DNAH14: variants seen among roughly 807,000 people sequenced by gnomAD.
DNAH14 encodes the protein axonemal beta dynein heavy chain 14.
In DNAH14, 478 loss-of-function variants were observed where a neutral mutation model predicts 520.9. The ratio of observed to expected loss-of-function variants is 0.92; its 90% CI spans 0.85 to 0.99. The LOEUF is 0.99. Ranked by LOEUF, DNAH14 falls within the 50% of genes least tolerant of loss-of-function variation. The pLI is 0.00. For missense variants in DNAH14, 4,831 were observed against 5,234.5 expected, an observed-to-expected ratio of 0.92 and a Z score of 2.38; for synonymous variants, 1,581 against 1,757.2, an observed-to-expected ratio of 0.90 and a Z score of 2.51.
intron 41 of DNAH14, among the ~76,000 whole-genome samples, chr1:225,228,349 C>T (rs1208221505): frequency 6.6e-6 from 1 of 152,188 alleles, no homozygotes; most frequent in Non-Finnish European, 1.5e-5. Flanking sequence ...CAACAAGATG[C>T]ACTGGCATTC....
chr1:225,025,993 TGTTA>T (rs1311260846), intron 11 of DNAH14, among the ~76,000 whole-genome samples: 5 of 152,014 alleles, frequency 3.3e-5, no homozygotes, highest in East Asian at 1.9e-4. Context: ...TTTTAAATTG[TGTTA>T]GTTAATTAAT....
At chr1:225,105,894 T>C (rs962934265) in intron 23 of DNAH14, among the ~76,000 whole-genome samples, 2 of 151,638 alleles carry the variant, frequency 1.3e-5, no homozygotes, top group Middle Eastern at 3.4e-3. Flanking sequence ...ACATTTCAGG[T>C]TAATATCGTT....
chr1:224,968,457 A>G (rs961330351), intron 6 of DNAH14, among the ~76,000 whole-genome samples: 8 of 152,152 alleles, frequency 5.3e-5, no homozygotes, highest in African/African-American at 1.9e-4. Flanking sequence ...TGTAAAAATT[A>G]TGAGACTCAA....
Position 225,388,439 on chromosome 1 carries a change from C to T in DNAH14, c.13138C>T (p.Leu4380=). 1 of 1,535,100 alleles carries T rather than the reference C, an allele frequency of 6.5e-7. No individual in the cohort carries two copies. Among genetic ancestry groups the T allele is most frequent in the Non-Finnish European group, 8.8e-7 (1 of 1,133,524 alleles). Residue 4380 remains leucine (L), a synonymous_variant, in exon 82 of 86, where the codon CTG becomes TTG. Coordinates refer to ENST00000682510, the MANE Select transcript of DNAH14 (RefSeq NM_001367479.1). The part of the protein sequence containing the change: ...SSWIDDLIQR[L]NFFNTWAKVA... ...CTGGATTGATGATCTCATCCAGCGACTGAATTTCTTCAATACTTGGGCCAA... is the reference window on the plus strand; with the variant it reads ...CTGGATTGATGATCTCATCCAGCGATTGAATTTCTTCAATACTTGGGCCAA...
chr1:225,217,647 C>T (rs1378721747), intron 41 of DNAH14, among the ~76,000 whole-genome samples: 1 of 152,216 alleles, frequency 6.6e-6, no homozygotes, highest in Non-Finnish European at 1.5e-5. Flanking sequence ...AGTTCGATCT[C>T]AGACTGCTGT....
intron 57 of DNAH14, among the ~76,000 whole-genome samples, chr1:225,304,664 C>G (rs930626516): frequency 6.6e-6 from 1 of 150,382 alleles, no homozygotes; most frequent in African/African-American, 2.5e-5. Flanking sequence ...GTGAGAGTAA[C>G]ATACGGGTAA....
chr1:225,115,244 G>A (rs1021298542), intron 23 of DNAH14, among the ~76,000 whole-genome samples: 10 of 152,204 alleles, frequency 6.6e-5, no homozygotes, highest in Non-Finnish European at 1.3e-4. Context: ...TGGAGCTGTG[G>A]TGGGTCAGAC....
intron 17 of DNAH14, among the ~76,000 whole-genome samples, chr1:225,052,046 C>T (rs2068589035): frequency 6.6e-6 from 1 of 152,174 alleles, no homozygotes; most frequent in African/African-American, 2.4e-5. Flanking sequence ...CCTATCACTT[C>T]CCTGCTTCTT....
chr1:225,354,944 A>G (rs1012652500), intron 73 of DNAH14, among the ~76,000 whole-genome samples: 2 of 152,178 alleles, frequency 1.3e-5, no homozygotes, highest in Non-Finnish European at 2.9e-5. Context: ...TGGCTTACAA[A>G]CATGTTTTAT....
chr1:225,366,102 C>G (rs2095549896), intron 76 of DNAH14, among the ~76,000 whole-genome samples: 1 of 151,988 alleles, frequency 6.6e-6, no homozygotes, highest in African/African-American at 2.4e-5. Context: ...AAAAGTTCAG[C>G]CTCTAGATAT....
intron 17 of DNAH14, among the ~76,000 whole-genome samples, chr1:225,074,727 C>T (rs916581845): frequency 6.6e-6 from 1 of 152,216 alleles, no homozygotes; most frequent in African/African-American, 2.4e-5. Flanking sequence ...TGCTGGGGAA[C>T]CCCTTCCACC....
At position 225,119,218 on chromosome 1, in the gene DNAH14, A is replaced by T; in HGVS notation, c.4092-2A>T. 3.3e-6 allele frequency: 5 copies of T among 1,517,054 alleles called. No individual in the cohort carries two copies. Among genetic ancestry groups the T allele is most frequent in the Non-Finnish European group, 4.4e-6 (5 of 1,131,484 alleles). 94.0% of individuals were successfully genotyped at this position (1,517,054 alleles called of 1,614,324 possible). A position where few individuals can be genotyped will look rare whatever the true frequency, so the allele number is the denominator to read the frequency against. On this transcript the variant is annotated splice_acceptor_variant, in intron 25 of 85. Transcript: ENST00000682510. LOFTEE classifies it high-confidence loss of function. ...TGATATTATTTTTGAAACTAATTTT[A>T]GGAAAATTCGTGTAAGAAGTGCTGT...
At chr1:225,093,261 G>A (rs2148670480) in intron 21 of DNAH14, among the ~76,000 whole-genome samples, 1 of 152,074 alleles carries the variant, frequency 6.6e-6, no homozygotes, top group African/African-American at 2.4e-5. Flanking sequence ...GAACCCAGCA[G>A]CACATCAAAA....
Position 225,368,042 on chromosome 1 carries a change from G to A in DNAH14, c.12318+10G>A. ...TTCTTCAGACTTGGGGGTAAGTGTA[G>A]TCTCTTCAAACAAACAACAAATAAG... On this transcript the variant is annotated intron_variant, in intron 77 of 85. Transcript: ENST00000682510. 6.5e-7 allele frequency: 1 copy of A among 1,534,080 alleles called. No homozygotes were observed. The highest frequency in any genetic ancestry group is 1.2e-5 in the South Asian group (1 of 82,950).
Position 225,042,906 on chromosome 1 carries a change from C to T in DNAH14, c.1560C>T (p.Cys520=), listed in dbSNP as rs2501107. 0.92 allele frequency: 1,422,997 copies of T among 1,551,486 alleles called. 663,421 individuals are homozygous for T. The highest frequency in any genetic ancestry group is 0.96 in the Non-Finnish European group (1,102,865 of 1,146,966). ...TYAPIFEVNL[C]LRIPAESDSS... ...CACCAATATTTGAAGTAAATCTATGCTTGAGAATTCCTGCTGAGAGTGATT... is the reference window on the plus strand; with the variant it reads ...CACCAATATTTGAAGTAAATCTATGTTTGAGAATTCCTGCTGAGAGTGATT... Residue 520 remains cysteine, a synonymous_variant, in exon 13 of 86, where the codon TGC becomes TGT. Transcript: ENST00000682510.
rs1236878038 is a variant in DNAH14 at position 225,104,346 on chromosome 1, C to CT, written c.3867+3469dup. Among the ~76,000 whole-genome samples, 21 of 152,178 alleles carry CT rather than the reference C, an allele frequency of 1.4e-4. No individual in the cohort carries two copies. In the East Asian group the frequency reaches 1.7e-3, roughly 13 times the overall value. The stretch of plus-strand genomic sequence containing the variant: ...ATCAGGGATATTGGTCTAAAATTCT[C>CT]TTTTTTTGTTGTGTCTCTGTCAGGC... On this transcript the variant is annotated intron_variant, in intron 23 of 85. Transcript: ENST00000682510.
At position 225,300,934 on chromosome 1, in the gene DNAH14, T is replaced by G. The variant is rs1474523378; in HGVS notation, c.8535T>G (p.Asn2845Lys). The G allele has an allele frequency of 1.9e-6, 3 of 1,551,436 alleles. No individual in the cohort carries two copies. The highest frequency in any genetic ancestry group is 2.7e-5 in the African/African-American group (2 of 73,154). Residue 2845 changes from asparagine to lysine, a missense_variant, in exon 56 of 86, where the codon AAT becomes AAG. Coordinates refer to ENST00000682510, the MANE Select transcript of DNAH14 (RefSeq NM_001367479.1). ...GAAGAATACCTGACCTGTTTGAAAA[T>G]GTTGAGCTGGATTCTATTGCAATGA... ...SSGRIPDLFE[N>K]VELDSIAMKI...
intron 78 of DNAH14, 37 bp downstream of exon 78, chr1:225,374,922 AT>A: frequency 6.8e-7 from 1 of 1,477,478 alleles, no homozygotes; most frequent in Non-Finnish European, 9.1e-7. Context: ...TTTCTCGATA[AT>A]TTTAAAGTAA....
At chr1:225,180,937 AT>A (rs2083913667) in intron 36 of DNAH14, among the ~76,000 whole-genome samples, 1 of 152,154 alleles carries the variant, frequency 6.6e-6, no homozygotes, top group African/African-American at 2.4e-5. Context: ...GATAGTGAAC[AT>A]AGTACACAAT....
Sources: gnomAD v4.1 joint callset for allele counts (sites outside exome capture counted in the v4.1 genomes callset) on GRCh38, gnomAD v4.1.1 for gene constraint, MANE v1.5 for transcripts, NCBI Gene and HGNC (gene_info 2026-07-23, HGNC 2026-07-21) for gene names.